Variants in CA4 observed in about 807,000 individuals in gnomAD.
CA4 encodes the protein CA-IV.
Under a neutral mutation model 34.5 loss-of-function variants are expected in CA4, and 24 were observed. That is an observed-to-expected ratio of 0.70 (90% CI 0.50 to 0.98). CA4 has a LOEUF of 0.98. Ranked by LOEUF, CA4 falls within the 50% of genes least tolerant of loss-of-function variation. CA4 has a pLI of 0.00. For synonymous variants in CA4, 178 were observed against 170.6 expected, an observed-to-expected ratio of 1.04 and a Z score of -0.34; for missense variants, 394 against 396.7, an observed-to-expected ratio of 0.99 and a Z score of 0.06.
downstream of CA4, among the ~76,000 whole-genome samples, chr17:60,171,464 A>G (rs369028199): frequency 1.2e-4 from 18 of 152,352 alleles, no homozygotes; most frequent in East Asian, 3.1e-3. Flanking sequence ...GCTACCCAGT[A>G]TACTGAGTAG....
At chr17:60,167,966 G>C (rs1272646148) in intron 5 of CA4, among the ~76,000 whole-genome samples, 2 of 152,114 alleles carry the variant, frequency 1.3e-5, no homozygotes, top group Non-Finnish European at 2.9e-5. Context: ...GGACAGACTT[G>C]CCTGGGTCTA....
downstream of CA4, among the ~76,000 whole-genome samples, chr17:60,172,313 C>T (rs1460697401): frequency 1.3e-5 from 2 of 152,180 alleles, no homozygotes; most frequent in Admixed American, 6.5e-5. Context: ...CATGCCTCCT[C>T]CCTGTCCAGA....
rs1567725501 is a variant in CA4 at position 60,150,059 on chromosome 17, G to C, written c.25G>C (p.Ala9Pro). Reference protein sequence around the residue: MRMLLALLALSAARPSASA... With the variant: MRMLLALLPLSAARPSASA... ...GATGCGGATGCTGCTGGCGCTCCTG[G>C]CCCTCTCCGCGGCGCGGCCATCGGC... is the stretch of plus-strand genomic sequence containing the variant. The change falls in exon 1 of 8, where the codon GCC (alanine) becomes CCC (proline). Residue 9 changes from alanine (A) to proline (P), a missense_variant. Transcript: ENST00000300900. The C allele has an allele frequency of 6.2e-7, 1 of 1,601,020 alleles. No individual in the cohort carries two copies. Among genetic ancestry groups the C allele is most frequent in the Admixed American group, 1.7e-5 (1 of 59,948 alleles).
chr17:60,159,864 G>A (rs2083766000), downstream of CA4, among the ~76,000 whole-genome samples: 1 of 152,208 alleles, frequency 6.6e-6, no homozygotes, highest in Non-Finnish European at 1.5e-5. Flanking sequence ...TTGGGGCCGG[G>A]CATAGTGATT....
intron 7 of CA4, chr17:60,158,718 C>T: frequency 3.7e-6 from 2 of 533,828 alleles, no homozygotes; most frequent in Non-Finnish European, 6.8e-6. Flanking sequence ...GGGGAGACAG[C>T]AGTGAGCCCA....
chr17:60,160,543 C>T (rs2083774688), downstream of CA4, among the ~76,000 whole-genome samples: 1 of 151,768 alleles, frequency 6.6e-6, no homozygotes, highest in South Asian at 2.1e-4. Context: ...GCGGGCAGAT[C>T]ACCTGAGGTC....
At chr17:60,167,235 G>A (rs140483215) in intron 5 of CA4, among the ~76,000 whole-genome samples, 12 of 152,278 alleles carry the variant, frequency 7.9e-5, no homozygotes, top group Non-Finnish European at 1.5e-4. Context: ...ACGCTTACAG[G>A]GAAGCATGGG....
At chr17:60,159,705 G>A (rs1247769417), downstream of CA4, among the ~76,000 whole-genome samples, 3 of 152,062 alleles carry the variant, frequency 2.0e-5, no homozygotes, top group Non-Finnish European at 2.9e-5. Flanking sequence ...TGTGAATTCC[G>A]TGTCTATACC....
downstream of CA4, among the ~76,000 whole-genome samples, chr17:60,160,000 T>C (rs953137945): frequency 7.9e-5 from 12 of 152,058 alleles, no homozygotes; most frequent in Admixed American, 7.9e-4. Context: ...ATTAACCAGG[T>C]GTGGTGGTGC....
intron 1 of CA4, 110 bp from the exon 2 acceptor site, chr17:60,155,204 A>G (rs2083655805): frequency 4.1e-6 from 4 of 968,922 alleles, no homozygotes; most frequent in Non-Finnish European, 6.5e-6. Context: ...ACTCCATCCC[A>G]GCCCAAGAGG....
At chr17:60,151,995 G>C (rs114325564) in intron 1 of CA4, among the ~76,000 whole-genome samples, 167 of 152,260 alleles carry the variant, frequency 1.1e-3, no homozygotes, top group African/African-American at 3.1e-3. Flanking sequence ...GTCCCTCAGA[G>C]GGGGAGGTGG....
In CA4 at chr17:60,158,427, T is replaced by C. The variant is rs770093120; in HGVS notation, c.725T>C (p.Ile242Thr). ...GTCTGGACTGTGTTCCGGGAGCCCA[T>C]TCAGCTTCACAGAGAACAGGTGCAC... is the stretch of plus-strand genomic sequence containing the variant. ...KVVWTVFREP[I>T]QLHREQILAF... The change falls in exon 7 of 8, where the codon ATT becomes ACT. Residue 242 changes from isoleucine (I) to threonine (T), a missense_variant. By Grantham distance (89) the Ile-to-Thr change is moderately conservative (BLOSUM62 -1). Coordinates refer to ENST00000300900, the MANE Select transcript of CA4 (RefSeq NM_000717.5). 4.3e-6 allele frequency: 7 copies of C among 1,613,898 alleles called. No homozygotes were observed. In the East Asian group the frequency reaches 6.7e-5, roughly 15 times the overall value.
At chr17:60,176,004 C>T in the CA4 span, among the ~76,000 whole-genome samples, 6 of 151,778 alleles carry the variant, frequency 4.0e-5, no homozygotes, top group South Asian at 2.1e-4. Context: ...TTAGTAGAGA[C>T]GGGGTTTCTC....
chr17:60,174,025 A>G (rs114110011), downstream of CA4, among the ~76,000 whole-genome samples: 299 of 152,276 alleles, frequency 2.0e-3, 2 homozygotes, highest in African/African-American at 7.0e-3. Flanking sequence ...TTGTTATATT[A>G]TGCCTGTATT....
At chr17:60,160,640 G>C (rs345185), downstream of CA4, among the ~76,000 whole-genome samples, 55,824 of 151,816 alleles carry the variant, frequency 0.37, 15,536 homozygotes, top group African/African-American at 0.79. Context: ...GGCGGGTGCC[G>C]GTAATTCAGC....
At chr17:60,156,867 G>A (rs770005080) in intron 3 of CA4, 152 bp downstream of exon 3, 58 of 737,118 alleles carry the variant, frequency 7.9e-5, no homozygotes, top group Middle Eastern at 6.9e-4. Context: ...GCTTCCAGGA[G>A]GAGAGAGCAC....
intron 5 of CA4, among the ~76,000 whole-genome samples, chr17:60,169,655 A>G (rs1314018851): frequency 6.6e-6 from 1 of 151,856 alleles, no homozygotes; most frequent in African/African-American, 2.4e-5. Flanking sequence ...TGCTCAGCTG[A>G]TTTTTTTGTA....
In CA4 at chr17:60,159,322, C is replaced by T. The variant is rs755477580; in HGVS notation, c.837C>T (p.Arg279=). ...GGCCCCTGCAGCAGCTGGGGCAGCG[C>T]ACGGTGATAAAGTCCGGGGCCCCGG... is the stretch of plus-strand genomic sequence containing the variant. The part of the protein sequence containing the change: ...NVRPLQQLGQ[R]TVIKSGAPGR... The change falls in exon 8 of 8, where the codon CGC becomes CGT. Residue 279 remains arginine (R), a synonymous_variant. Coordinates refer to ENST00000300900, the MANE Select transcript of CA4 (RefSeq NM_000717.5). The T allele has an allele frequency of 1.2e-6, 2 of 1,609,656 alleles. No homozygotes were observed. Among genetic ancestry groups the T allele is most frequent in the African/African-American group, 1.3e-5 (1 of 74,802 alleles).
chr17:60,167,265 G>A (rs931375927), intron 5 of CA4, among the ~76,000 whole-genome samples: 3 of 152,172 alleles, frequency 2.0e-5, no homozygotes, highest in African/African-American at 7.2e-5. Context: ...CGCCAGGCCA[G>A]TCAAGGACGC....
Sources: allele counts gnomAD v4.1 joint callset (sites outside exome capture counted in the v4.1 genomes callset), GRCh38; gene constraint gnomAD v4.1.1; transcripts MANE v1.5; gene names NCBI Gene and HGNC (gene_info 2026-07-23, HGNC 2026-07-21).